SH3GL3: variants seen among roughly 807,000 people sequenced by gnomAD.
SH3GL3 encodes SH3 domain containing GRB2 like 3, endophilin A3, also known as endophilin-A3.
A neutral mutation model predicts 47.7 loss-of-function variants in SH3GL3; 33 were observed. That is an observed-to-expected ratio of 0.69 (90% confidence interval 0.52 to 0.92). SH3GL3 has a LOEUF of 0.92. SH3GL3 is among the 40% of genes least tolerant of loss of function. SH3GL3 has a pLI of 0.00. For synonymous variants in SH3GL3, 155 were observed against 148.8 expected (o/e 1.04, Z -0.30); for missense variants, 363 against 417.8 (o/e 0.87, Z 1.14).
At chr15:83,468,051 CG>C (rs1160362113) in intron 1 of SH3GL3, among the ~76,000 whole-genome samples, 4 of 152,110 alleles carry the variant, frequency 2.6e-5, no homozygotes, top group Non-Finnish European at 5.9e-5. Context: ...AGGATGGTCT[CG>C]ATCTCCTGAC....
At chr15:83,477,839 A>G (rs1262249014) in intron 1 of SH3GL3, among the ~76,000 whole-genome samples, 1 of 152,200 alleles carries the variant, frequency 6.6e-6, no homozygotes, top group Non-Finnish European at 1.5e-5. Context: ...CATCAAAATA[A>G]GGAGTGTACT....
In SH3GL3 at chr15:83,571,620, A is replaced by G. The variant is rs895656935; in HGVS notation, c.332-945A>G. On this transcript the variant is annotated intron_variant, in intron 4 of 8. Transcript: ENST00000427482. ...AGGTGAGGCACATGTTGCCATCTCTATTTTACAGGTAATTAAGTTGTCCAT... is the reference window on the plus strand; with the variant it reads ...AGGTGAGGCACATGTTGCCATCTCTGTTTTACAGGTAATTAAGTTGTCCAT... Among the ~76,000 whole-genome samples, 9 of 151,668 alleles carry G rather than the reference A, an allele frequency of 5.9e-5. No individual in the cohort carries two copies. The South Asian group carries it at 1.9e-3, about 32-fold the overall frequency.
At chr15:83,537,109 A>G (rs1040569482) in intron 1 of SH3GL3, among the ~76,000 whole-genome samples, 1 of 152,158 alleles carries the variant, frequency 6.6e-6, no homozygotes, top group Admixed American at 6.5e-5. Context: ...TGCTAGGGTC[A>G]GTGGCCAAGG....
At chr15:83,459,807 G>A (rs1463554765) in intron 1 of SH3GL3, among the ~76,000 whole-genome samples, 1 of 152,024 alleles carries the variant, frequency 6.6e-6, no homozygotes, top group Non-Finnish European at 1.5e-5. Flanking sequence ...CACGTCTCAC[G>A]ACATACAATT....
chr15:83,587,033 TCACAGACAGTC>T lies in SH3GL3; in HGVS notation c.682_692del (p.Gln228AspfsTer34). 1 of 1,611,466 alleles carries T rather than the reference TCACAGACAGTC, an allele frequency of 6.2e-7. No homozygotes were observed. Among genetic ancestry groups the T allele is most frequent in the South Asian group, 1.1e-5 (1 of 90,658 alleles). ...TGTTCATAGAGGCAGCATTAGACTATCACAGACAGTCCACAGAGATTCTGCAGGAGCTGCAG... is the reference window on the plus strand; with the variant it reads ...TGTTCATAGAGGCAGCATTAGACTATCACAGAGATTCTGCAGGAGCTGCAG... On this transcript the variant is annotated frameshift_variant, in exon 7 of 9. Coordinates refer to ENST00000427482, the MANE Select transcript of SH3GL3 (RefSeq NM_003027.5). LOFTEE classifies it high-confidence loss of function.
At chr15:83,579,376 C>T (rs575763517) in intron 6 of SH3GL3, among the ~76,000 whole-genome samples, 1 of 152,276 alleles carries the variant, frequency 6.6e-6, no homozygotes, top group African/African-American at 2.4e-5. Context: ...CAGCCTGGAT[C>T]CTGGGGTCTT....
intron 4 of SH3GL3, among the ~76,000 whole-genome samples, chr15:83,571,533 A>G (rs540814241): frequency 6.6e-6 from 1 of 152,156 alleles, no homozygotes; most frequent in Admixed American, 6.5e-5. Flanking sequence ...AGTTTAGAGT[A>G]ACGGTTCCTA....
chr15:83,510,682 G>A (rs573725138), intron 1 of SH3GL3, among the ~76,000 whole-genome samples: 3 of 152,202 alleles, frequency 2.0e-5, no homozygotes, highest in Admixed American at 1.3e-4. Context: ...GTCAAAGCTT[G>A]TAGAGGCATG....
Position 83,568,602 on chromosome 15 carries a change from G to T in SH3GL3, c.261G>T (p.Pro87=), listed in dbSNP as rs138094417. The change falls in exon 4 of 9, where the codon CCG becomes CCT. Residue 87 remains proline (P), a synonymous_variant. Transcript: ENST00000427482. ...GGCAGGTGAAGACCACAGGATACCC[G>T]CAGACGGAAGGCTTGCTGGGGGACT... ...IRGQVKTTGY[P]QTEGLLGDCM... is the part of the protein sequence containing the mutation. 6.2e-7 allele frequency: 1 copy of T among 1,613,136 alleles called. No individual in the cohort carries two copies. Among genetic ancestry groups the T allele is most frequent in the Non-Finnish European group, 8.5e-7 (1 of 1,179,132 alleles).
intron 1 of SH3GL3, among the ~76,000 whole-genome samples, chr15:83,528,255 C>T (rs1258239203): frequency 6.6e-6 from 1 of 152,170 alleles, no homozygotes; most frequent in African/African-American, 2.4e-5. Flanking sequence ...TGGCTTTTGA[C>T]AGTATGCTAC....
At chr15:83,615,365 A>G (rs2060785632) in intron 8 of SH3GL3, among the ~76,000 whole-genome samples, 1 of 151,972 alleles carries the variant, frequency 6.6e-6, no homozygotes, top group Admixed American at 6.6e-5. Context: ...CCCAGGCTGG[A>G]GTGTAGTGGT....
intron 3 of SH3GL3, among the ~76,000 whole-genome samples, chr15:83,566,870 C>A (rs1272702301): frequency 1.3e-5 from 2 of 152,186 alleles, no homozygotes; most frequent in Admixed American, 1.3e-4. Context: ...CATTCTATTG[C>A]TGGAGATGCA....
intron 8 of SH3GL3, among the ~76,000 whole-genome samples, chr15:83,592,026 C>T (rs1167092071): frequency 1.3e-5 from 2 of 152,176 alleles, no homozygotes; most frequent in African/African-American, 4.8e-5. Context: ...TGAGAAATGG[C>T]AGTTTCCCCA....
At chr15:83,556,009 T>A (rs1209610851) in intron 1 of SH3GL3, among the ~76,000 whole-genome samples, 1 of 152,260 alleles carries the variant, frequency 6.6e-6, no homozygotes, top group Non-Finnish European at 1.5e-5. Flanking sequence ...TTTTGATATT[T>A]AATCTATCCT....
At chr15:83,495,642 C>A (rs2042047220) in intron 1 of SH3GL3, among the ~76,000 whole-genome samples, 1 of 152,054 alleles carries the variant, frequency 6.6e-6, no homozygotes, top group African/African-American at 2.4e-5. Context: ...GAGGCTGAGG[C>A]AGGAGAATTG....
intron 1 of SH3GL3, among the ~76,000 whole-genome samples, chr15:83,539,197 TA>T: frequency 6.6e-6 from 1 of 152,332 alleles, no homozygotes; most frequent in Middle Eastern, 3.4e-3. Flanking sequence ...AAAAATACCA[TA>T]GACTAAATGG....
At chr15:83,493,349 G>A (rs1184784637) in intron 1 of SH3GL3, among the ~76,000 whole-genome samples, 1 of 152,122 alleles carries the variant, frequency 6.6e-6, no homozygotes, top group Non-Finnish European at 1.5e-5. Context: ...AGGTTTTGTG[G>A]TGTATTTAAA....
intron 1 of SH3GL3, among the ~76,000 whole-genome samples, chr15:83,480,403 C>T (rs774505531): frequency 3.2e-4 from 49 of 152,170 alleles, no homozygotes; most frequent in Non-Finnish European, 2.4e-4. Context: ...AAGAAGATGC[C>T]GCCATCCCAA....
At chr15:83,529,344 G>A (rs2043561274) in intron 1 of SH3GL3, among the ~76,000 whole-genome samples, 1 of 152,188 alleles carries the variant, frequency 6.6e-6, no homozygotes, top group Admixed American at 6.5e-5. Flanking sequence ...GGATGAGTGG[G>A]CAGGTCCTGG....
Sources: allele counts gnomAD v4.1 joint callset (sites outside exome capture counted in the v4.1 genomes callset), GRCh38; gene constraint gnomAD v4.1.1; transcripts MANE v1.5; gene names NCBI Gene and HGNC (gene_info 2026-07-23, HGNC 2026-07-21).